ADGRL2: variants seen among roughly 807,000 people sequenced by gnomAD.
The protein encoded by ADGRL2 is adhesion G protein-coupled receptor L2.
ADGRL2 carries 44 observed loss-of-function variants against 157.4 expected under a neutral mutation model. The observed-to-expected ratio is 0.28, with a 90% CI of 0.22 to 0.36. The LOEUF is 0.36. Ranked by LOEUF, ADGRL2 falls within the 10% of genes least tolerant of loss-of-function variation. The pLI is 1.00. For synonymous variants in ADGRL2, 585 were observed against 624.7 expected, an observed-to-expected ratio of 0.94 and a Z score of 0.95; for missense variants, 1,510 against 1,768.9, an observed-to-expected ratio of 0.85 and a Z score of 2.63.
chr1:81,498,249 TAAG>T (rs2078771055), intron 2 of ADGRL2, among the ~76,000 whole-genome samples: 6 of 152,166 alleles, frequency 3.9e-5, no homozygotes, highest in Admixed American at 3.3e-4. Flanking sequence ...GAATTCAAGG[TAAG>T]AAGTGAACAT....
chr1:81,718,084 A>C (rs1331480203), intron 1 of ADGRL2, among the ~76,000 whole-genome samples: 1 of 152,172 alleles, frequency 6.6e-6, no homozygotes, highest in African/African-American at 2.4e-5. Flanking sequence ...CAGTGGTGCC[A>C]TCTCGGCTCA....
At chr1:81,415,915 A>G (rs1390282680) in intron 1 of ADGRL2, among the ~76,000 whole-genome samples, 1 of 147,896 alleles carries the variant, frequency 6.8e-6, no homozygotes, top group Admixed American at 6.9e-5. Flanking sequence ...ATCTCAGCTC[A>G]CTGCAAGCTC....
intron 1 of ADGRL2, among the ~76,000 whole-genome samples, chr1:81,401,794 C>T (rs7524907): frequency 0.71 from 108,487 of 152,072 alleles, 43,174 homozygotes; most frequent in Non-Finnish European, 0.88. Flanking sequence ...TTATCTGTTA[C>T]GAGGACTAAA....
At chr1:81,393,040 T>G (rs2076586972) in intron 1 of ADGRL2, among the ~76,000 whole-genome samples, 1 of 152,158 alleles carries the variant, frequency 6.6e-6, no homozygotes, top group South Asian at 2.1e-4. Flanking sequence ...GAGTGTAAAT[T>G]TCAACATTGT....
intron 2 of ADGRL2, among the ~76,000 whole-genome samples, chr1:81,483,299 A>G (rs1469390896): frequency 6.6e-6 from 1 of 152,208 alleles, no homozygotes; most frequent in Non-Finnish European, 1.5e-5. Flanking sequence ...CACGGCTGTT[A>G]TAGCCTAAGA....
chr1:81,813,528 C>T (rs1452914247), intron 1 of ADGRL2, among the ~76,000 whole-genome samples: 2 of 151,400 alleles, frequency 1.3e-5, no homozygotes, highest in African/African-American at 4.8e-5. Flanking sequence ...CAGCGTGGCC[C>T]CGTATTATCT....
chr1:81,507,987 A>G (rs2079009490), intron 2 of ADGRL2, among the ~76,000 whole-genome samples: 2 of 152,130 alleles, frequency 1.3e-5, no homozygotes, highest in South Asian at 2.1e-4. Context: ...TTCCTTTCCA[A>G]TCTCCTTCTC....
chr1:81,371,622 A>T (rs1314111764), intron 1 of ADGRL2, among the ~76,000 whole-genome samples: 7 of 152,224 alleles, frequency 4.6e-5, no homozygotes, highest in Non-Finnish European at 2.9e-5. Context: ...TACAAGAAGT[A>T]ACCTGAAATA....
At chr1:81,619,275 C>CTT (rs36114889) in intron 3 of ADGRL2, among the ~76,000 whole-genome samples, 6 of 145,714 alleles carry the variant, frequency 4.1e-5, no homozygotes, top group African/African-American at 1.3e-4. Context: ...ACAGTTGTGG[C>CTT]TTTTTTTTTT....
chr1:81,768,890 G>A (rs2149337543), intron 2 of ADGRL2, among the ~76,000 whole-genome samples: 1 of 152,158 alleles, frequency 6.6e-6, no homozygotes, highest in South Asian at 2.1e-4. Context: ...AGACTAGCCT[G>A]GCCAACACGG....
chr1:81,865,544 A>G (rs1311438685), intron 2 of ADGRL2, among the ~76,000 whole-genome samples: 2 of 152,194 alleles, frequency 1.3e-5, no homozygotes, highest in Admixed American at 1.3e-4. Context: ...TTCTTAATTT[A>G]TTATGTTTTC....
intron 2 of ADGRL2, among the ~76,000 whole-genome samples, chr1:81,775,356 A>G (rs2086537926): frequency 6.6e-6 from 1 of 152,340 alleles, no homozygotes; most frequent in African/African-American, 2.4e-5. Flanking sequence ...CGGTCCTCCC[A>G]GATAAACTCT....
At chr1:81,579,100 G>A (rs574694252) in intron 2 of ADGRL2, among the ~76,000 whole-genome samples, 1 of 152,192 alleles carries the variant, frequency 6.6e-6, no homozygotes, top group South Asian at 2.1e-4. Flanking sequence ...TTCTGCAATG[G>A]GAAGAATCTC....
At chr1:81,693,270 A>T (rs901910849) in intron 3 of ADGRL2, among the ~76,000 whole-genome samples, 1 of 152,012 alleles carries the variant, frequency 6.6e-6, no homozygotes, top group Non-Finnish European at 1.5e-5. Context: ...CCGTCTCCCG[A>T]CTAAACCTGA....
chr1:81,910,605 C>T (rs899927870), intron 3 of ADGRL2, among the ~76,000 whole-genome samples: 6 of 149,496 alleles, frequency 4.0e-5, no homozygotes, highest in East Asian at 3.9e-4. Context: ...GTATTAGATA[C>T]GAGACACCTA....
chr1:81,801,324 G>A (rs1421974163), intron 1 of ADGRL2, among the ~76,000 whole-genome samples: 2 of 152,200 alleles, frequency 1.3e-5, no homozygotes, highest in African/African-American at 4.8e-5. Flanking sequence ...CGGGGAGGGC[G>A]GATTTGGGGG....
chr1:81,449,384 A>G (rs2077663738), intron 2 of ADGRL2, among the ~76,000 whole-genome samples: 2 of 152,202 alleles, frequency 1.3e-5, no homozygotes, highest in African/African-American at 4.8e-5. Context: ...GGGTCGGGTA[A>G]TTCATTATGA....
At chr1:81,634,812 G>A (rs1409917095) in intron 3 of ADGRL2, among the ~76,000 whole-genome samples, 5 of 152,154 alleles carry the variant, frequency 3.3e-5, no homozygotes, top group South Asian at 2.1e-4. Flanking sequence ...ATGAGCCGTC[G>A]CGCCTGGCCT....
At chr1:81,684,381 T>G (rs1331410291) in intron 3 of ADGRL2, among the ~76,000 whole-genome samples, 1 of 152,212 alleles carries the variant, frequency 6.6e-6, no homozygotes, top group Non-Finnish European at 1.5e-5. Context: ...TCCCTGATTA[T>G]TAGTGATGTT....
Sources: gnomAD v4.1 joint callset for allele counts (sites outside exome capture counted in the v4.1 genomes callset) on GRCh38, gnomAD v4.1.1 for gene constraint, MANE v1.5 for transcripts, NCBI Gene and HGNC (gene_info 2026-07-23, HGNC 2026-07-21) for gene names.